The following HSPA12A variants were observed in gnomAD, a reference collection of about 807,000 sequenced individuals.
HSPA12A encodes the protein heat shock 70 kDa protein 12A.
A neutral mutation model predicts 69.2 loss-of-function variants in HSPA12A; 28 were observed. The ratio of observed to expected loss-of-function variants is 0.40; its 90% CI spans 0.30 to 0.55. HSPA12A has a LOEUF of 0.55. Among genes scored for constraint, HSPA12A ranks in the 20% least tolerant of loss-of-function variants. The pLI, the probability that HSPA12A is intolerant of heterozygous loss-of-function variation, is 0.38. For missense variants in HSPA12A, 686 were observed against 900.7 expected (o/e 0.76, Z 3.05); for synonymous variants, 345 against 370.5 (o/e 0.93, Z 0.79).
intron 1 of HSPA12A, among the ~76,000 whole-genome samples, chr10:116,842,101 C>T (rs1845811466): frequency 6.6e-6 from 1 of 152,118 alleles, no homozygotes; most frequent in African/African-American, 2.4e-5. Flanking sequence ...TCCTCTTAAG[C>T]AGATTAACTT....
intron 2 of HSPA12A, among the ~76,000 whole-genome samples, chr10:116,803,266 G>A (rs893329264): frequency 2.0e-5 from 3 of 152,230 alleles, no homozygotes; most frequent in Admixed American, 2.0e-4. Flanking sequence ...CCGACTCCTT[G>A]GGGAGCCAAC....
chr10:116,705,069 C>G, intron 3 of HSPA12A, 82 bp downstream of exon 3: 2 of 1,552,908 alleles, frequency 1.3e-6, no homozygotes, highest in Non-Finnish European at 1.8e-6. Context: ...TCGTAAGTGC[C>G]AATCACTGGC....
intron 2 of HSPA12A, among the ~76,000 whole-genome samples, chr10:116,775,818 A>T (rs1364821839): frequency 6.6e-6 from 1 of 151,822 alleles, no homozygotes; most frequent in Non-Finnish European, 1.5e-5. Flanking sequence ...TGCAGCCCCT[A>T]TGACCTCTCT....
In HSPA12A at chr10:116,686,296, C is replaced by T. The variant is rs553984364; in HGVS notation, c.664-2334G>A. On this transcript the variant is annotated intron_variant, in intron 6 of 11. Coordinates refer to ENST00000369209, the MANE Select transcript of HSPA12A (RefSeq NM_025015.3). The surrounding 1 kb of genome is among the most constrained non-coding windows in gnomAD (Gnocchi z 4.1). ...ATCCCAAATAAGACCAAGAGGGGCCCCTTCCGAGGGACAGCTCCTGTGCTG... is the reference window on the plus strand; with the variant it reads ...ATCCCAAATAAGACCAAGAGGGGCCTCTTCCGAGGGACAGCTCCTGTGCTG... Among the ~76,000 whole-genome samples, 8 of 152,224 alleles carry T rather than the reference C, an allele frequency of 5.3e-5. No individual in the cohort carries two copies. The South Asian group carries it at 8.3e-4, about 16-fold the overall frequency.
intron 2 of HSPA12A, among the ~76,000 whole-genome samples, chr10:116,815,362 T>G (rs1845282598): frequency 6.6e-6 from 1 of 151,904 alleles, no homozygotes; most frequent in African/African-American, 2.4e-5. Context: ...GGCCAGGAGT[T>G]TGAGACCAGC....
chr10:116,803,671 T>C (rs886815621), intron 2 of HSPA12A, among the ~76,000 whole-genome samples: 1 of 152,188 alleles, frequency 6.6e-6, no homozygotes, highest in Non-Finnish European at 1.5e-5. Context: ...GAGCGTGAAC[T>C]GTATTTCCAG....
intron 6 of HSPA12A, among the ~76,000 whole-genome samples, chr10:116,685,240 C>G (rs1554879362): frequency 6.6e-6 from 1 of 152,138 alleles, no homozygotes; most frequent in African/African-American, 2.4e-5. Context: ...GTCACACACT[C>G]ACAAATAACT....
In HSPA12A at chr10:116,707,320, G is replaced by A. The variant is rs544083351; in HGVS notation, c.41-35C>T. On this transcript the variant is annotated intron_variant, in intron 1 of 11. Transcript: ENST00000369209. ...AAAACAAAGCCGCCTCCTTAGAAGTGGCATGGACTGACCCAGGGGGAAGAA... is the reference window on the plus strand; with the variant it reads ...AAAACAAAGCCGCCTCCTTAGAAGTAGCATGGACTGACCCAGGGGGAAGAA... 3 of 1,519,810 alleles carry A rather than the reference G, an allele frequency of 2.0e-6. No individual in the cohort carries two copies. In the African/African-American group the frequency reaches 4.1e-5, roughly 21 times the overall value. 94.1% of individuals were successfully genotyped at this position (1,519,810 alleles called of 1,614,324 possible). A position where few individuals can be genotyped will look rare whatever the true frequency, so the allele number is the denominator to read the frequency against.
chr10:116,773,147 C>T (rs1209332247), intron 2 of HSPA12A, among the ~76,000 whole-genome samples: 2 of 152,242 alleles, frequency 1.3e-5, no homozygotes, highest in Non-Finnish European at 2.9e-5. Context: ...CTTCCTCCCA[C>T]TCCTTTTCCT....
intron 1 of HSPA12A, among the ~76,000 whole-genome samples, 190 bp downstream of exon 1, chr10:116,742,240 C>T (rs918907519): frequency 6.6e-6 from 1 of 151,848 alleles, no homozygotes; most frequent in African/African-American, 2.4e-5. Context: ...CGCGGGCCGT[C>T]TCCGGTCCAC....
At chr10:116,796,163 A>AAAAAAAAAG (rs1414051045) in intron 2 of HSPA12A, among the ~76,000 whole-genome samples, 86 of 138,830 alleles carry the variant, frequency 6.2e-4, no homozygotes, top group African/African-American at 2.3e-3. Flanking sequence ...AAAAAAAAAA[A>AAAAAAAAAG]AAAGAAAGAA....
At chr10:116,812,993 G>C (rs966523827) in intron 2 of HSPA12A, among the ~76,000 whole-genome samples, 5 of 152,244 alleles carry the variant, frequency 3.3e-5, no homozygotes. Context: ...AAGCTAAGAC[G>C]TTAAGCAGGA....
chr10:116,834,233 A>G (rs1176911271), intron 2 of HSPA12A, among the ~76,000 whole-genome samples: 1 of 152,218 alleles, frequency 6.6e-6, no homozygotes, highest in Non-Finnish European at 1.5e-5. Context: ...GGCAGCCACA[A>G]GAGCCCTAAT....
intron 2 of HSPA12A, among the ~76,000 whole-genome samples, chr10:116,776,057 T>C (rs894813807): frequency 3.3e-5 from 5 of 152,190 alleles, no homozygotes; most frequent in Non-Finnish European, 7.3e-5. Context: ...ACCCATCCCA[T>C]TGGTCTCTGT....
chr10:116,683,585 C>A (rs1398755691), intron 7 of HSPA12A: 2 of 407,926 alleles, frequency 4.9e-6, no homozygotes, highest in Admixed American at 8.2e-5. Context: ...GGTGATGAAC[C>A]AGGGTAACCA....
At chr10:116,752,696 A>C (rs1307148578) in intron 2 of HSPA12A, among the ~76,000 whole-genome samples, 2 of 152,204 alleles carry the variant, frequency 1.3e-5, no homozygotes, top group Non-Finnish European at 2.9e-5. Context: ...AGGGAGTTAG[A>C]TTATACTTGC....
chr10:116,676,262 A>G (rs1196079140), intron 11 of HSPA12A, 137 bp downstream of exon 11: 2 of 690,212 alleles, frequency 2.9e-6, no homozygotes, highest in African/African-American at 1.7e-5. Context: ...AGCCCTGCCC[A>G]GTCCTGCAGG....
intron 2 of HSPA12A, among the ~76,000 whole-genome samples, chr10:116,790,619 A>C (rs1844683945): frequency 6.6e-6 from 1 of 152,130 alleles, no homozygotes; most frequent in Admixed American, 6.5e-5. Flanking sequence ...TCCTCCTTAG[A>C]GAAGCCTTCT....
At chr10:116,801,278 A>G (rs1444612373) in intron 2 of HSPA12A, among the ~76,000 whole-genome samples, 1 of 152,258 alleles carries the variant, frequency 6.6e-6, no homozygotes, top group Non-Finnish European at 1.5e-5. Context: ...AAATGAAAAG[A>G]GATGGTGTGT....
Sources: allele counts gnomAD v4.1 joint callset (sites outside exome capture counted in the v4.1 genomes callset), GRCh38; gene constraint gnomAD v4.1.1; non-coding constraint Gnocchi (gnomAD v3.1); transcripts MANE v1.5; gene names NCBI Gene and HGNC (gene_info 2026-07-23, HGNC 2026-07-21).